LAMB4: variants seen among roughly 807,000 people sequenced by gnomAD.
The protein encoded by LAMB4 is laminin subunit beta 4.
A neutral mutation model predicts 199.2 loss-of-function variants in LAMB4; 196 were observed. The ratio of observed to expected loss-of-function variants is 0.98; its 90% confidence interval spans 0.88 to 1.11. The LOEUF (loss-of-function observed/expected upper bound fraction) is 1.11, where lower values mean the gene tolerates loss of function less well. LAMB4 is among the 50% of genes least tolerant of loss of function. The pLI is 0.00. For synonymous variants in LAMB4, 744 were observed against 770.6 expected (o/e 0.97, Z 0.57); for missense variants, 2,080 against 2,171.2 (o/e 0.96, Z 0.83).
At chr7:108,065,056 C>A (rs1181875131) in intron 21 of LAMB4, among the ~76,000 whole-genome samples, 1 of 151,922 alleles carries the variant, frequency 6.6e-6, no homozygotes, top group Non-Finnish European at 1.5e-5. Flanking sequence ...CAGGTGCAAT[C>A]CATCATGCCT....
At chr7:108,048,523 A>C (rs2035722202) in intron 27 of LAMB4, among the ~76,000 whole-genome samples, 1 of 152,124 alleles carries the variant, frequency 6.6e-6, no homozygotes, top group African/African-American at 2.4e-5. Flanking sequence ...ATGTTTCTTC[A>C]ATAGTTGTTC....
chr7:108,020,209 T>G (rs2034661585), downstream of LAMB4, among the ~76,000 whole-genome samples: 1 of 152,050 alleles, frequency 6.6e-6, no homozygotes, highest in Non-Finnish European at 1.5e-5. Context: ...ATGATTAGAT[T>G]GATGCTGTAA....
chr7:108,097,481 A>C (rs73197608), intron 11 of LAMB4, among the ~76,000 whole-genome samples: 3 of 152,206 alleles, frequency 2.0e-5, no homozygotes, highest in Admixed American at 1.3e-4. Context: ...GAAAGGGGAA[A>C]CATAATTTAA....
At chr7:108,090,245 A>C (rs1269090725) in intron 14 of LAMB4, among the ~76,000 whole-genome samples, 1 of 152,238 alleles carries the variant, frequency 6.6e-6, no homozygotes, top group East Asian at 1.9e-4. Context: ...CAAATAATTA[A>C]ATGTTAACCA....
chr7:108,043,783 A>G lies in LAMB4; in HGVS notation c.4440T>C (p.Leu1480=), dbSNP rs765692054. 6.3e-7 allele frequency: 1 copy of G among 1,593,606 alleles called. No homozygotes were observed. Among genetic ancestry groups the G allele is most frequent in the Non-Finnish European group, 8.6e-7 (1 of 1,167,336 alleles). ...QSDSEEENIN[L]FIKKVKNFLL... Reference sequence around the variant, plus strand: ...AAAAGTTTTTCACTTTTTTGATGAAAAGATTGATGTTTTCTTCTTCAGAGT... The same window carrying G: ...AAAAGTTTTTCACTTTTTTGATGAAGAGATTGATGTTTTCTTCTTCAGAGT... Residue 1480 remains leucine (L), a synonymous_variant, in exon 29 of 34, where the codon CTT becomes CTC. Transcript: ENST00000388781.
At chr7:108,123,679 C>T (rs370322362) in intron 1 of LAMB4, among the ~76,000 whole-genome samples, 3 of 152,264 alleles carry the variant, frequency 2.0e-5, no homozygotes, top group East Asian at 3.9e-4. Flanking sequence ...GAGGGAGGCC[C>T]CTCTCTCAAG....
intron 17 of LAMB4, among the ~76,000 whole-genome samples, chr7:108,074,768 G>A (rs774990177): frequency 1.3e-5 from 2 of 152,100 alleles, no homozygotes; most frequent in Admixed American, 1.3e-4. Flanking sequence ...TCTGTACTAG[G>A]CTGAGAATTA....
In LAMB4 at chr7:108,077,115, A is replaced by G. The variant is rs2036733132; in HGVS notation, c.2004-51T>C. ...ATTCAGACCACAGAAATACAATTAT[A>G]TTAGCTAAATGGCCATAGTATTTGG... is the stretch of plus-strand genomic sequence containing the variant. On this transcript the variant is annotated intron_variant, in intron 16 of 33. Transcript: ENST00000388781. The G allele has an allele frequency of 3.8e-6, 6 of 1,582,418 alleles. 1 individual carries two copies. Among genetic ancestry groups the G allele is most frequent in the South Asian group, 1.1e-5 (1 of 89,708 alleles).
downstream of LAMB4, among the ~76,000 whole-genome samples, chr7:108,021,657 C>T (rs1008782988): frequency 4.0e-5 from 6 of 150,206 alleles, no homozygotes; most frequent in East Asian, 3.9e-4. Context: ...TGCGGTGAGC[C>T]GAGATCACAC....
intron 14 of LAMB4, among the ~76,000 whole-genome samples, chr7:108,084,908 C>T (rs1307235731): frequency 6.7e-6 from 1 of 150,158 alleles, no homozygotes; most frequent in Non-Finnish European, 1.5e-5. Flanking sequence ...CACACCCAGC[C>T]AATTTTTTAT....
At chr7:108,035,320 C>T (rs1024052452) in intron 30 of LAMB4, among the ~76,000 whole-genome samples, 7 of 152,118 alleles carry the variant, frequency 4.6e-5, no homozygotes, top group Middle Eastern at 3.4e-3. Flanking sequence ...GCAGGTGGAT[C>T]ACTTGAGGTC....
chr7:108,076,379 G>A lies in LAMB4; in HGVS notation c.2124+565C>T, dbSNP rs560814591. Among the ~76,000 whole-genome samples the A allele has an allele frequency of 1.1e-4, 16 of 152,166 alleles. No individual in the cohort carries two copies. In the South Asian group the frequency reaches 3.3e-3, roughly 32 times the overall value. ...AAGTCACTCAGGAAATATTATGCATGGTTTCTGAAGATAAGAAGACTACAT... is the reference window on the plus strand; with the variant it reads ...AAGTCACTCAGGAAATATTATGCATAGTTTCTGAAGATAAGAAGACTACAT... On this transcript the variant is annotated intron_variant, in intron 17 of 33. Transcript: ENST00000388781.
rs189993276 is a variant in LAMB4 at position 108,024,191 on chromosome 7, A to G, written c.5147-13T>C. On this transcript the variant is annotated splice_polypyrimidine_tract_variant and intron_variant, in intron 33 of 33. Coordinates refer to ENST00000388781, the MANE Select transcript of LAMB4 (RefSeq NM_007356.3). ...TTCCTTTCTAAATCTGAAAGAAGAA[A>G]ATGAAAGAAATGATATATTTCCATT... 6,083 of 1,468,134 alleles carry G rather than the reference A, an allele frequency of 4.1e-3. 15 individuals carry two copies. Among genetic ancestry groups the G allele is most frequent in the Non-Finnish European group, 5.3e-3 (5,685 of 1,076,268 alleles). The allele number at this position is 1,468,134 out of a possible 1,614,324, so 90.9% of individuals were successfully genotyped here. A position where few individuals can be genotyped will look rare whatever the true frequency, so the allele number is the denominator to read the frequency against.
chr7:108,074,336 G>A (rs1235420058), intron 17 of LAMB4, among the ~76,000 whole-genome samples: 2 of 152,088 alleles, frequency 1.3e-5, no homozygotes, highest in South Asian at 2.1e-4. Flanking sequence ...GAGAATGATC[G>A]ACTGAAAACT....
chr7:108,013,688 T>C, the LAMB4 span, among the ~76,000 whole-genome samples: 9 of 152,176 alleles, frequency 5.9e-5, no homozygotes, highest in African/African-American at 2.2e-4. Context: ...GTCTGAAATA[T>C]GTACTAACGT....
At chr7:108,063,687 T>C (rs182028571) in intron 22 of LAMB4, 74 bp downstream of exon 22, 2 of 1,300,482 alleles carry the variant, frequency 1.5e-6, no homozygotes, top group Admixed American at 1.7e-5. Context: ...GAAATGATCA[T>C]GGGAGAGCTG....
intron 2 of LAMB4, among the ~76,000 whole-genome samples, chr7:108,116,908 A>C (rs1337136390): frequency 6.6e-6 from 1 of 152,170 alleles, no homozygotes; most frequent in Non-Finnish European, 1.5e-5. Flanking sequence ...ATGGTGGTTC[A>C]TGCTTGTAGT....
chr7:108,039,868 C>T (rs571839937), intron 29 of LAMB4, among the ~76,000 whole-genome samples: 1 of 152,280 alleles, frequency 6.6e-6, no homozygotes, highest in Admixed American at 6.5e-5. Flanking sequence ...ACAAGGATGC[C>T]CTCTCTTACC....
intron 3 of LAMB4, 100 bp downstream of exon 3, chr7:108,115,904 A>C (rs1435381395): frequency 7.9e-7 from 1 of 1,262,690 alleles, no homozygotes; most frequent in Non-Finnish European, 1.1e-6. Context: ...TTAAAAAGGA[A>C]GTTGTCTCCT....
Sources: allele counts gnomAD v4.1 joint callset (sites outside exome capture counted in the v4.1 genomes callset), GRCh38; gene constraint gnomAD v4.1.1; transcripts MANE v1.5; gene names NCBI Gene and HGNC (gene_info 2026-07-23, HGNC 2026-07-21).